TNXB: variants seen among roughly 807,000 people sequenced by gnomAD.
TNXB encodes the protein tenascin XB.
Under a neutral mutation model 340.5 loss-of-function variants are expected in TNXB, and 183 were observed. The observed-to-expected ratio is 0.54, with a 90% CI of 0.48 to 0.61. The LOEUF is 0.61. Among genes scored for constraint, TNXB ranks in the 20% least tolerant of loss-of-function variants. The pLI, the probability that TNXB is intolerant of heterozygous loss-of-function variation, is 0.00. For synonymous variants in TNXB, 2,121 were observed against 2,314.5 expected, an observed-to-expected ratio of 0.92 and a Z score of 2.40; for missense variants, 4,613 against 5,446.4, an observed-to-expected ratio of 0.85 and a Z score of 4.82.
chr6:32,098,186 G>T lies in TNXB; in HGVS notation c.13C>A (p.Gln5Lys), dbSNP rs746664079. 1 of 1,522,050 alleles carries T rather than the reference G, an allele frequency of 6.6e-7. No homozygotes were observed. The highest frequency in any genetic ancestry group is 1.3e-5 in the South Asian group (1 of 77,916). 94.3% of individuals were successfully genotyped at this position (1,522,050 alleles called of 1,614,324 possible). A position where few individuals can be genotyped will look rare whatever the true frequency, so the allele number is the denominator to read the frequency against. MMPA[Q>K]YALTSSLVLL... ...ACCAGGCTGGAGGTTAGAGCATACTGGGCTGGCATCATTCAGGAGGCTGCA... is the reference window on the plus strand; with the variant it reads ...ACCAGGCTGGAGGTTAGAGCATACTTGGCTGGCATCATTCAGGAGGCTGCA... Residue 5 changes from glutamine (Q) to lysine (K), a missense_variant, in exon 2 of 44, where the codon CAG (glutamine) becomes AAG (lysine). Around this residue, in one of 7 missense-constraint regions of TNXB, gnomAD observed 4,327 missense variants for 4,859.4 expected, o/e 0.89. Coordinates refer to ENST00000644971, the MANE Select transcript of TNXB (RefSeq NM_001365276.2).
In TNXB at chr6:32,061,455, G is replaced by A. The variant is rs749567165; in HGVS notation, c.7434C>T (p.His2478=). 11 of 1,613,352 alleles carry A rather than the reference G, an allele frequency of 6.8e-6. No homozygotes were observed. Among genetic ancestry groups the A allele is most frequent in the South Asian group, 4.4e-5 (4 of 91,076 alleles). The part of the protein sequence containing the change: ...GLEPGRKYKM[H]LYGLHEGRRV... The stretch of plus-strand genomic sequence containing the variant: ...GCCGCCCCTCGTGGAGGCCATACAG[G>A]TGCATCTTGTATTTGCGCCCAGGCT... Residue 2478 remains histidine, a synonymous_variant, in exon 21 of 44, where the codon CAC becomes CAT. Coordinates refer to ENST00000644971, the MANE Select transcript of TNXB (RefSeq NM_001365276.2). The surrounding 1 kb of genome is among the most constrained non-coding windows in gnomAD (Gnocchi z 4.4).
chr6:32,058,336 G>A lies in TNXB; in HGVS notation c.7547C>T (p.Ala2516Val), dbSNP rs1777807183. The change falls in exon 22 of 44, where the codon GCC becomes GTC. Residue 2516 changes from alanine (A) to valine (V), a missense_variant. Physicochemically the swap from Ala to Val is moderately conservative, Grantham distance 64. Transcript: ENST00000644971. This position sits in a 1 kb window ranked among gnomAD's most constrained non-coding sequence, Gnocchi z 5.1. Reference sequence around the variant, plus strand: ...GAGAGGCTCCTCGGGGGGCCCTGGGGCCTCTGTGCCTGGTTCTGTAGGGCT... The same window carrying A: ...GAGAGGCTCCTCGGGGGGCCCTGGGACCTCTGTGCCTGGTTCTGTAGGGCT... ...TPSPTEPGTE[A>V]PGPPEEPLLG... 6.2e-7 allele frequency: 1 copy of A among 1,611,828 alleles called. No homozygotes were observed. Among genetic ancestry groups the A allele is most frequent in the Non-Finnish European group, 8.5e-7 (1 of 1,179,702 alleles).
In TNXB at chr6:32,089,406, A is replaced by G. The variant is rs778781491; in HGVS notation, c.2359-27T>C. On this transcript the variant is annotated intron_variant, in intron 4 of 43. Coordinates refer to ENST00000644971, the MANE Select transcript of TNXB (RefSeq NM_001365276.2). The surrounding 1 kb of genome is among the most constrained non-coding windows in gnomAD (Gnocchi z 6.2). ...TGTGAGAGAGAGCACCAGGTGGCTC[A>G]GGGGCTGGCACTCTTGCCTCTGCTG... 1.3e-6 allele frequency: 2 copies of G among 1,590,146 alleles called. No individual in the cohort carries two copies. The highest frequency in any genetic ancestry group is 1.1e-5 in the South Asian group (1 of 86,962).
chr6:32,093,206 G>A (rs1235176627), intron 4 of TNXB: 27 of 598,508 alleles, frequency 4.5e-5, no homozygotes, highest in Admixed American at 2.2e-4. Context: ...ATACAGAGAA[G>A]AAGAGAGTGG....
Position 32,048,352 on chromosome 6 carries a change from C to A in TNXB, c.10045+11G>T, listed in dbSNP as rs887092930. 3.4e-6 allele frequency: 5 copies of A among 1,477,660 alleles called. No individual in the cohort carries two copies. The highest frequency in any genetic ancestry group is 4.5e-6 in the Non-Finnish European group (5 of 1,112,158). The allele number at this position is 1,477,660 out of a possible 1,614,324, so 91.5% of individuals were successfully genotyped here. ...GGCTCTGGCCGCGGGAGGCCTCCAG[C>A]CCTCACTCACCGGTCCTGGCCTCCA... On this transcript the variant is annotated intron_variant, in intron 29 of 43. Transcript: ENST00000644971.
At chr6:32,078,111 G>GAAAGAAAGAAAGAAAT (rs1779200240) in intron 11 of TNXB, among the ~76,000 whole-genome samples, 1 of 149,376 alleles carries the variant, frequency 6.7e-6, no homozygotes, top group African/African-American at 2.5e-5. Flanking sequence ...AAGAAAGAAA[G>GAAAGAAAGAAAGAAAT]AAAGAAAGAA....
At chr6:32,102,893 C>T (rs1400981143) in intron 1 of TNXB, among the ~76,000 whole-genome samples, 2 of 152,050 alleles carry the variant, frequency 1.3e-5, no homozygotes, top group Non-Finnish European at 2.9e-5. Flanking sequence ...GCACTCCAGC[C>T]TGGCAACAGA....
chr6:32,051,449 C>T lies in TNXB; in HGVS notation c.9116-1128G>A, dbSNP rs984793173. ...TTTCCAAATCTGTTACTGGGAGGAG[C>T]TTTGCTACAAAGGTGTTCTGTGATT... On this transcript the variant is annotated intron_variant, in intron 26 of 43. Coordinates refer to ENST00000644971, the MANE Select transcript of TNXB (RefSeq NM_001365276.2). The surrounding 1 kb of genome is among the most constrained non-coding windows in gnomAD (Gnocchi z 4.7). 1.3e-5 allele frequency among the ~76,000 whole-genome samples: 2 copies of T among 152,192 alleles called. No individual in the cohort carries two copies. The highest frequency in any genetic ancestry group is 4.8e-5 in the African/African-American group (2 of 41,442).
In TNXB at chr6:32,097,091, G is replaced by A. The variant is rs751985292; in HGVS notation, c.762C>T (p.Ser254=). ...CSQRSCPRGC[S]QRGRCEGGRC... ...GCCCACCCTCACAGCGTCCCCTCTG[G>A]CTGCAACCTCGAGGGCAGGAGCGCT... Residue 254 remains serine, a synonymous_variant, in exon 3 of 44, where the codon AGC becomes AGT. Coordinates refer to ENST00000644971, the MANE Select transcript of TNXB (RefSeq NM_001365276.2). The surrounding 1 kb of genome is among the most constrained non-coding windows in gnomAD (Gnocchi z 5.9). 3 of 1,613,030 alleles carry A rather than the reference G, an allele frequency of 1.9e-6. No individual in the cohort carries two copies. The highest frequency in any genetic ancestry group is 1.7e-6 in the Non-Finnish European group (2 of 1,179,592).
Position 32,089,489 on chromosome 6 carries a change from GT to G in TNXB, c.2359-111del. 7.3e-7 allele frequency: 1 copy of G among 1,368,612 alleles called. No individual in the cohort carries two copies. The highest frequency in any genetic ancestry group is 9.8e-7 in the Non-Finnish European group (1 of 1,022,910). The allele number at this position is 1,368,612 out of a possible 1,614,324, so 84.8% of individuals were successfully genotyped here. Reference sequence around the variant, plus strand: ...CTAAACAGTGTCAGCATGGTACTGTGTGGAACTTGACCCTGTACAAGCTGGG... The same window carrying G: ...CTAAACAGTGTCAGCATGGTACTGTGGGAACTTGACCCTGTACAAGCTGGG... On this transcript the variant is annotated intron_variant, in intron 4 of 43. Transcript: ENST00000644971. This position sits in a 1 kb window ranked among gnomAD's most constrained non-coding sequence, Gnocchi z 6.2.
Position 32,082,302 on chromosome 6 carries a change from C to T in TNXB, c.3470G>A (p.Gly1157Glu). Reference sequence around the variant, plus strand: ...CAGGTTTCCCAGGTGGGGTGGAGTCCCTGGACTTGGGTCACTCTGAGGCAC... The same window carrying T: ...CAGGTTTCCCAGGTGGGGTGGAGTCTCTGGACTTGGGTCACTCTGAGGCAC... ...KILPQSDPSP[G>E]TPPHLGNLWV... Residue 1157 changes from glycine (G) to glutamate (E), a missense_variant, in exon 9 of 44, where the codon GGG becomes GAG. Gly to Glu is a moderately conservative substitution (Grantham distance 98, BLOSUM62 -2). Transcript: ENST00000644971. This position sits in a 1 kb window ranked among gnomAD's most constrained non-coding sequence, Gnocchi z 5.0. The T allele has an allele frequency of 6.3e-7, 1 of 1,599,440 alleles. No individual in the cohort carries two copies. Among genetic ancestry groups the T allele is most frequent in the Non-Finnish European group, 8.5e-7 (1 of 1,171,672 alleles).
chr6:32,083,172 C>G lies in TNXB; in HGVS notation c.3446-846G>C, dbSNP rs1779575626. On this transcript the variant is annotated intron_variant, in intron 8 of 43. Transcript: ENST00000644971. The surrounding 1 kb of genome is among the most constrained non-coding windows in gnomAD (Gnocchi z 4.6). ...TTCCGGAATCTGACAAGTCCAACCG[C>G]ACCCTCCTTCCTGGAGTCCAGACAG... Among the ~76,000 whole-genome samples the G allele has an allele frequency of 1.3e-5, 2 of 152,138 alleles. No homozygotes were observed. Among genetic ancestry groups the G allele is most frequent in the African/African-American group, 4.8e-5 (2 of 41,432 alleles).
rs747010721 is a variant in TNXB, at chr6:32,056,635, G to A, written c.8094C>T (p.Gly2698=). The change falls in exon 23 of 44, where the codon GGC becomes GGT. Residue 2698 remains glycine, a synonymous_variant. Transcript: ENST00000644971. ...GGCCCACGCGCTGGCCACCGTGGAA[G>A]CCGTACAGGTTCATCTTGTATTTAT... is the stretch of plus-strand genomic sequence containing the variant. ...PDHKYKMNLY[G]FHGGQRVGPI... The A allele has an allele frequency of 4.3e-6, 7 of 1,613,128 alleles. No homozygotes were observed. The highest frequency in any genetic ancestry group is 1.3e-5 in the African/African-American group (1 of 75,062).
Position 32,073,359 on chromosome 6 carries a change from G to C in TNXB, c.4681+288C>G, listed in dbSNP as rs1289543178. 6.6e-6 allele frequency among the ~76,000 whole-genome samples: 1 copy of C among 152,202 alleles called. No individual in the cohort carries two copies. The highest frequency in any genetic ancestry group is 2.4e-5 in the African/African-American group (1 of 41,440). Reference sequence around the variant, plus strand: ...ACAGCTGTGGGCAGTCGGAGAGGGGGAGAGAAAGTCTGTGGCTGGATTTAG... The same window carrying C: ...ACAGCTGTGGGCAGTCGGAGAGGGGCAGAGAAAGTCTGTGGCTGGATTTAG... On this transcript the variant is annotated intron_variant, in intron 12 of 43. Coordinates refer to ENST00000644971, the MANE Select transcript of TNXB (RefSeq NM_001365276.2). This position sits in a 1 kb window ranked among gnomAD's most constrained non-coding sequence, Gnocchi z 4.6.
chr6:32,097,153 C>T lies in TNXB; in HGVS notation c.700G>A (p.Val234Met). Residue 234 changes from valine to methionine, a missense_variant, in exon 3 of 44, where the codon GTG (valine) becomes ATG (methionine). This residue lies in a region of TNXB where 4,327 missense variants were observed against 4,859.4 expected (regional missense o/e 0.89). Coordinates refer to ENST00000644971, the MANE Select transcript of TNXB (RefSeq NM_001365276.2). This position sits in a 1 kb window ranked among gnomAD's most constrained non-coding sequence, Gnocchi z 5.9. ...GGGCCTGAGAAGCCTGCCCGGCACA[C>T]ACACACGCCCTGCACGCAGCGCCCA... Reference protein sequence around the residue: ...GRGRCVQGVCVCRAGFSGPDC... With the variant: ...GRGRCVQGVCMCRAGFSGPDC... The T allele has an allele frequency of 6.2e-7, 1 of 1,600,394 alleles. No homozygotes were observed. Among genetic ancestry groups the T allele is most frequent in the Non-Finnish European group, 8.5e-7 (1 of 1,174,194 alleles).
rs745360751 is a variant in TNXB, at chr6:32,042,518, G to A, written c.12147C>T (p.Asn4049=). The change falls in exon 40 of 44, where the codon AAC becomes AAT. Residue 4049 remains asparagine, a synonymous_variant. Coordinates refer to ENST00000644971, the MANE Select transcript of TNXB (RefSeq NM_001365276.2). ...GASRTSTIFL[N]GNRERPLNVF... ...CGTTCAGGGGCCGCTCGCGGTTGCC[G>A]TTGAGGAAGATGGTGCTGGTCCTGG... is the stretch of plus-strand genomic sequence containing the variant. The A allele has an allele frequency of 8.6e-5, 139 of 1,612,498 alleles. 1 individual carries two copies. Among genetic ancestry groups the A allele is most frequent in the African/African-American group, 4.0e-5 (3 of 74,924 alleles).
At chr6:32,043,702 C>A in intron 35 of TNXB, 47 bp downstream of exon 35, 1 of 1,613,328 alleles carries the variant, frequency 6.2e-7, no homozygotes, top group Non-Finnish European at 8.5e-7. Flanking sequence ...CCACCCATGC[C>A]GTTTTCTTGG....
In TNXB at chr6:32,046,144, G is replaced by A. The variant is rs759551465; in HGVS notation, c.10606+31C>T. The A allele has an allele frequency of 1.3e-6, 2 of 1,565,978 alleles. No homozygotes were observed. The highest frequency in any genetic ancestry group is 2.3e-5 in the East Asian group (1 of 44,058). On this transcript the variant is annotated intron_variant, in intron 31 of 43. Coordinates refer to ENST00000644971, the MANE Select transcript of TNXB (RefSeq NM_001365276.2). The surrounding 1 kb of genome is among the most constrained non-coding windows in gnomAD (Gnocchi z 6.9). Reference sequence around the variant, plus strand: ...ATGCACAAGGAAACCCACACAAGCTGGCTTGCTATAGCCAGGCACAGCAGC... The same window carrying A: ...ATGCACAAGGAAACCCACACAAGCTAGCTTGCTATAGCCAGGCACAGCAGC...
Position 32,049,459 on chromosome 6 carries a change from G to A in TNXB, c.9568C>T (p.Gln3190Ter). 2 of 1,612,744 alleles carry A rather than the reference G, an allele frequency of 1.2e-6. No individual in the cohort carries two copies. The highest frequency in any genetic ancestry group is 1.7e-6 in the Non-Finnish European group (2 of 1,179,862). Residue 3190 changes from glutamine to a stop codon, truncating the protein, a stop_gained, in exon 28 of 44, where the codon CAG becomes TAG. Transcript: ENST00000644971. LOFTEE classifies it high-confidence loss of function. The surrounding 1 kb of genome is among the most constrained non-coding windows in gnomAD (Gnocchi z 4.5). ...ACGGTGAAGGAGTCGAAGCGGCCCT[G>A]GGGGACGGTCCAGGAGAGGCTCAGC... is the stretch of plus-strand genomic sequence containing the variant. ...DSLSLSWTVP[Q>*]GRFDSFTVQY...
Sources: gnomAD v4.1 joint callset for allele counts (sites outside exome capture counted in the v4.1 genomes callset) on GRCh38, gnomAD v4.1.1 for gene constraint, gnomAD v4.1.1 regional missense constraint, Gnocchi (gnomAD v3.1) non-coding constraint, MANE v1.5 for transcripts, NCBI Gene and HGNC (gene_info 2026-07-23, HGNC 2026-07-21) for gene names.